GTF2H1: variants seen among roughly 807,000 people sequenced by gnomAD.
GTF2H1 encodes BTF2 p62.
Under a neutral mutation model 71.2 loss-of-function variants are expected in GTF2H1, and 16 were observed. The observed-to-expected ratio is 0.22, with a 90% CI of 0.15 to 0.34. The LOEUF is 0.34. GTF2H1 is among the 10% of genes least tolerant of loss of function. The pLI is 1.00. For synonymous variants in GTF2H1, 215 were observed against 219.0 expected (o/e 0.98, Z 0.16); for missense variants, 498 against 648.2 (o/e 0.77, Z 2.52).
intron 14 of GTF2H1, among the ~76,000 whole-genome samples, chr11:18,362,548 A>G (rs1865726702): frequency 6.6e-6 from 1 of 151,868 alleles, no homozygotes; most frequent in Admixed American, 6.6e-5. Flanking sequence ...TTAACCTAAA[A>G]CACCCATTGT....
At chr11:18,337,944 G>A (rs976471281) in intron 3 of GTF2H1, among the ~76,000 whole-genome samples, 165 bp from the exon 4 acceptor site, 3 of 152,140 alleles carry the variant, frequency 2.0e-5, no homozygotes, top group African/African-American at 7.2e-5. Flanking sequence ...GGGGTATTTT[G>A]CTCTTAATTA....
chr11:18,365,242 G>T (rs2133996250), intron 14 of GTF2H1, among the ~76,000 whole-genome samples: 1 of 152,162 alleles, frequency 6.6e-6, no homozygotes, highest in East Asian at 1.9e-4. Context: ...GCCAGGTGTG[G>T]TGGCTCATGG....
At chr11:18,323,369 T>C (rs1864605468) in intron 1 of GTF2H1, among the ~76,000 whole-genome samples, 1 of 152,030 alleles carries the variant, frequency 6.6e-6, no homozygotes, top group Non-Finnish European at 1.5e-5. Flanking sequence ...TGATAATAGC[T>C]CACTGTAACC....
At chr11:18,355,574 C>T (rs768657652) in intron 11 of GTF2H1, among the ~76,000 whole-genome samples, 24 of 152,010 alleles carry the variant, frequency 1.6e-4, no homozygotes, top group South Asian at 2.1e-4. Flanking sequence ...GGCACAATCT[C>T]GGCTCACTGC....
chr11:18,344,721 C>G (rs562188679), intron 7 of GTF2H1, among the ~76,000 whole-genome samples: 1 of 151,662 alleles, frequency 6.6e-6, no homozygotes, highest in Non-Finnish European at 1.5e-5. Flanking sequence ...AAAATCAAAA[C>G]TCCTACAAGA....
At chr11:18,353,607 A>G (rs990310370) in intron 11 of GTF2H1, among the ~76,000 whole-genome samples, 4 of 152,226 alleles carry the variant, frequency 2.6e-5, no homozygotes, top group African/African-American at 9.6e-5. Flanking sequence ...CTGGAAAGTA[A>G]TCCTTAACTA....
chr11:18,341,684 C>G, intron 7 of GTF2H1, 77 bp downstream of exon 7: 2 of 853,472 alleles, frequency 2.3e-6, no homozygotes, highest in Non-Finnish European at 3.8e-6. Context: ...CGTAGTAGAC[C>G]TATTCCACTT....
At chr11:18,346,653 G>A (rs989127169) in intron 7 of GTF2H1, among the ~76,000 whole-genome samples, 6 of 150,202 alleles carry the variant, frequency 4.0e-5, no homozygotes, top group African/African-American at 1.5e-4. Context: ...CTAGATTAAC[G>A]TTAGAAAAAG....
At position 18,333,228 on chromosome 11, in the gene GTF2H1, T is replaced by G. The variant is rs373491058; in HGVS notation, c.154T>G (p.Cys52Gly). The change falls in exon 2 of 15, where the codon TGC becomes GGC. Residue 52 changes from cysteine (C) to glycine (G), a missense_variant and splice_region_variant. By Grantham distance (159) the Cys-to-Gly change is radical. Transcript: ENST00000265963. ...TISHMYADIK[C>G]QKISPEGKAK... is the part of the protein sequence containing the mutation. ...CAGCCATATGTATGCAGATATTAAA[T>G]GTAAGTCAGCTATACTAAGTTCTGA... 3 of 1,606,736 alleles carry G rather than the reference T, an allele frequency of 1.9e-6. No homozygotes were observed. The highest frequency in any genetic ancestry group is 2.6e-6 in the Non-Finnish European group (3 of 1,175,488).
chr11:18,353,679 T>C (rs2133982806), intron 11 of GTF2H1, among the ~76,000 whole-genome samples: 1 of 152,374 alleles, frequency 6.6e-6, no homozygotes, highest in South Asian at 2.1e-4. Context: ...GCACTGAGTG[T>C]ATACCTATAT....
intron 1 of GTF2H1, among the ~76,000 whole-genome samples, chr11:18,328,322 C>G (rs1864815746): frequency 6.6e-6 from 1 of 151,346 alleles, no homozygotes; most frequent in Non-Finnish European, 1.5e-5. Flanking sequence ...ACCAGCTTGG[C>G]CAACATGGCG....
At chr11:18,354,507 G>A (rs780922939) in intron 11 of GTF2H1, among the ~76,000 whole-genome samples, 2 of 151,570 alleles carry the variant, frequency 1.3e-5, no homozygotes, top group East Asian at 2.0e-4. Context: ...TCATAGCTCC[G>A]TTCAACCTCA....
Position 18,366,623 on chromosome 11 carries a change from A to G in GTF2H1, c.*754A>G, listed in dbSNP as rs931675054. 3 of 152,648 alleles carry G rather than the reference A, an allele frequency of 2.0e-5. No homozygotes were observed. The highest frequency in any genetic ancestry group is 4.8e-5 in the African/African-American group (2 of 41,452). 9.5% of individuals were successfully genotyped at this position (152,648 alleles called of 1,614,324 possible). ...GTCGCATAGGGTTTTTTAATGCAGA[A>G]TTTTGTCAGAAGACAATGGCGCTGC... is the stretch of plus-strand genomic sequence containing the variant. On this transcript the variant is annotated 3_prime_UTR_variant, in exon 15 of 15. Coordinates refer to ENST00000265963, the MANE Select transcript of GTF2H1 (RefSeq NM_005316.4).
At chr11:18,360,978 G>A (rs897489735) in intron 14 of GTF2H1, among the ~76,000 whole-genome samples, 5 of 151,588 alleles carry the variant, frequency 3.3e-5, no homozygotes, top group African/African-American at 1.2e-4. Context: ...GCTAATTTTT[G>A]TATTTTAGTA....
At chr11:18,351,777 A>C in intron 9 of GTF2H1, 104 bp from the exon 10 acceptor site, 4 of 633,610 alleles carry the variant, frequency 6.3e-6, no homozygotes, top group Non-Finnish European at 1.1e-5. Context: ...TCATGGTGGG[A>C]AGACTTCATT....
rs987130808 is a variant in GTF2H1 at position 18,341,125 on chromosome 11, A to C, written c.608-136A>C. ...TCTCAAGTTACCCTTCATATTTATA[A>C]TTAGATTATAACTTATAGTATGTAG... On this transcript the variant is annotated intron_variant, in intron 5 of 14. Coordinates refer to ENST00000265963, the MANE Select transcript of GTF2H1 (RefSeq NM_005316.4). 3 of 628,510 alleles carry C rather than the reference A, an allele frequency of 4.8e-6. No homozygotes were observed. In the African/African-American group the frequency reaches 5.6e-5, roughly 12 times the overall value. 38.9% of individuals were successfully genotyped at this position (628,510 alleles called of 1,614,324 possible).
At chr11:18,362,518 T>C (rs1223627932) in intron 14 of GTF2H1, among the ~76,000 whole-genome samples, 1 of 152,162 alleles carries the variant, frequency 6.6e-6, no homozygotes, top group African/African-American at 2.4e-5. Flanking sequence ...TTTAAAGTTT[T>C]TCATTCTTTG....
chr11:18,331,892 C>T (rs4344464), intron 1 of GTF2H1, among the ~76,000 whole-genome samples: 21,053 of 152,182 alleles, frequency 0.14, 1,569 homozygotes, highest in African/African-American at 0.19. Context: ...ACAGGTCTCA[C>T]TCAGTCACCC....
intron 1 of GTF2H1, among the ~76,000 whole-genome samples, chr11:18,323,204 T>C (rs1332187597): frequency 1.3e-5 from 2 of 152,184 alleles, no homozygotes; most frequent in African/African-American, 4.8e-5. Context: ...TGTCGTGTAA[T>C]GATGAAAAAT....
Sources: allele counts gnomAD v4.1 joint callset (sites outside exome capture counted in the v4.1 genomes callset), GRCh38; gene constraint gnomAD v4.1.1; transcripts MANE v1.5; gene names NCBI Gene and HGNC (gene_info 2026-07-23, HGNC 2026-07-21).